Variants in DIAPH2 observed in about 807,000 individuals in gnomAD.
DIAPH2 encodes protein diaphanous homolog 2.
DIAPH2 carries 35 observed loss-of-function variants against 92.7 expected under a neutral mutation model. The ratio of observed to expected loss-of-function variants is 0.38; its 90% CI spans 0.29 to 0.50. DIAPH2 has a LOEUF of 0.50. DIAPH2 is among the 20% of genes least tolerant of loss of function. The probability of loss-of-function intolerance (pLI) is 0.94; values close to 1 mark genes in which losing one functional copy is unlikely to be tolerated. For missense variants in DIAPH2, 701 were observed against 819.5 expected, an observed-to-expected ratio of 0.86 and a Z score of 1.77; for synonymous variants, 301 against 280.4, an observed-to-expected ratio of 1.07 and a Z score of -0.73.
chrX:96,937,453 A>G, intron 11 of DIAPH2, 102 bp downstream of exon 11: 1 of 417,976 alleles, frequency 2.4e-6, no homozygotes, highest in South Asian at 6.3e-5. Flanking sequence ...TGCCCTCCCA[A>G]TTTATATCCA....
intron 23 of DIAPH2, among the ~76,000 whole-genome samples, chrX:97,322,903 CT>C (rs1160046333): frequency 3.3e-3 from 252 of 76,892 alleles, no homozygotes; most frequent in Middle Eastern, 6.6e-3. Flanking sequence ...TATCCCAGTT[CT>C]TTTTTTTTTT....
intron 22 of DIAPH2, among the ~76,000 whole-genome samples, chrX:97,178,681 T>G (rs765949971): frequency 9.1e-6 from 1 of 110,382 alleles, no homozygotes; most frequent in South Asian, 3.9e-4. Context: ...AGGTCTATAT[T>G]TCTTTCCGTG....
At chrX:97,191,339 A>AG (rs1569325010) in intron 22 of DIAPH2, among the ~76,000 whole-genome samples, 5 of 101,925 alleles carry the variant, frequency 4.9e-5, no homozygotes, top group African/African-American at 2.0e-4. Flanking sequence ...AAAAAAAAAG[A>AG]AAAAAAAAAG....
At chrX:96,699,500 C>A (rs2063842936) in intron 1 of DIAPH2, among the ~76,000 whole-genome samples, 1 of 111,578 alleles carries the variant, frequency 9.0e-6, no homozygotes, top group South Asian at 3.8e-4. Flanking sequence ...TGAATAGAGG[C>A]CTGGGTTGCT....
rs1286837945 is a variant in DIAPH2 at position 97,555,068 on chromosome X, AT to A, written c.3242-44183del. Among the ~76,000 whole-genome samples, 39 of 12,464 alleles carry A rather than the reference AT, an allele frequency of 3.1e-3. 1 individual carries two copies. The highest frequency in any genetic ancestry group is 0.083 in the Middle Eastern group (1 of 12). 10.8% of individuals were successfully genotyped at this position (12,464 alleles called of 115,157 possible). A position where few individuals can be genotyped will look rare whatever the true frequency, so the allele number is the denominator to read the frequency against. ...CTTTAGCCAAGGGTTTCCTGAAGAG[AT>A]TAAAAAAAAAAAAAAACAGGCTGGT... On this transcript the variant is annotated intron_variant, in intron 26 of 26. Coordinates refer to ENST00000324765, the MANE Select transcript of DIAPH2 (RefSeq NM_006729.5).
At chrX:96,880,241 G>A (rs765297456) in intron 4 of DIAPH2, among the ~76,000 whole-genome samples, 1 of 111,689 alleles carries the variant, frequency 9.0e-6, no homozygotes, top group African/African-American at 3.2e-5. Flanking sequence ...AGTTCCCAAT[G>A]TAGAAGTGAG....
intron 24 of DIAPH2, among the ~76,000 whole-genome samples, chrX:97,362,334 GTAT>G (rs1300286073): frequency 1.2e-4 from 13 of 111,337 alleles, no homozygotes; most frequent in African/African-American, 3.9e-4. Flanking sequence ...TTGTTGCTCA[GTAT>G]TATTTGAATT....
intron 17 of DIAPH2, among the ~76,000 whole-genome samples, chrX:97,063,099 A>C (rs945675058): frequency 9.1e-6 from 1 of 110,326 alleles, no homozygotes; most frequent in African/African-American, 3.3e-5. Context: ...TCTTCTCAGA[A>C]TTATTCTAAT....
intron 4 of DIAPH2, among the ~76,000 whole-genome samples, chrX:96,822,104 A>G (rs1795586703): frequency 9.2e-6 from 1 of 109,133 alleles, no homozygotes; most frequent in African/African-American, 3.3e-5. Flanking sequence ...TTTCTGCACT[A>G]TTTTTTCTTA....
intron 23 of DIAPH2, among the ~76,000 whole-genome samples, chrX:97,320,439 C>G (rs994813518): frequency 3.6e-5 from 4 of 110,463 alleles, no homozygotes; most frequent in Non-Finnish European, 7.6e-5. Flanking sequence ...TTTGGCCAGG[C>G]GCGGTAGCTC....
intron 15 of DIAPH2, among the ~76,000 whole-genome samples, chrX:96,949,694 A>C (rs1325054885): frequency 2.0e-5 from 2 of 102,288 alleles, no homozygotes; most frequent in Non-Finnish European, 4.0e-5. Flanking sequence ...ATACAAAAAA[A>C]AAAAAAAAAA....
At chrX:96,937,849 G>T (rs1301394496) in intron 11 of DIAPH2, among the ~76,000 whole-genome samples, 1 of 111,958 alleles carries the variant, frequency 8.9e-6, no homozygotes, top group Non-Finnish European at 1.9e-5. Context: ...AAAGCTATGT[G>T]GTAGAAGCAT....
At chrX:97,561,140 T>C (rs1041892942) in intron 26 of DIAPH2, among the ~76,000 whole-genome samples, 2 of 112,423 alleles carry the variant, frequency 1.8e-5, no homozygotes, top group African/African-American at 6.5e-5. Flanking sequence ...TATTTAATGA[T>C]GTGTGTCATT....
chrX:97,175,482 T>A (rs2067484732), intron 22 of DIAPH2, among the ~76,000 whole-genome samples: 1 of 112,360 alleles, frequency 8.9e-6, no homozygotes, highest in Non-Finnish European at 1.9e-5. Flanking sequence ...ACTAAAAATT[T>A]CTCAAAGGAC....
At chrX:96,932,998 C>T (rs1227075506) in intron 10 of DIAPH2, among the ~76,000 whole-genome samples, 2 of 111,693 alleles carry the variant, frequency 1.8e-5, no homozygotes, top group Non-Finnish European at 3.8e-5. Flanking sequence ...TTTATCACAT[C>T]TCTTCAGTAT....
intron 14 of DIAPH2, among the ~76,000 whole-genome samples, chrX:96,946,836 T>C (rs1358495438): frequency 9.0e-6 from 1 of 111,635 alleles, no homozygotes; most frequent in Non-Finnish European, 1.9e-5. Context: ...AGTCCTAAAG[T>C]AATAGAAAAG....
intron 26 of DIAPH2, among the ~76,000 whole-genome samples, chrX:97,568,830 G>T (rs187268234): frequency 8.9e-5 from 10 of 112,101 alleles, no homozygotes; most frequent in Admixed American, 8.5e-4. Flanking sequence ...GGAGATAATT[G>T]TTCAGCAAAA....
intron 22 of DIAPH2, among the ~76,000 whole-genome samples, chrX:97,225,699 T>A (rs1318067496): frequency 9.0e-6 from 1 of 111,675 alleles, no homozygotes; most frequent in Non-Finnish European, 1.9e-5. Flanking sequence ...ATATTGAAAT[T>A]TTTTTTCTCA....
chrX:97,452,477 G>A (rs1343837014), intron 26 of DIAPH2, among the ~76,000 whole-genome samples: 2 of 111,731 alleles, frequency 1.8e-5, no homozygotes, highest in Non-Finnish European at 3.8e-5. Flanking sequence ...TCCTGCTGAG[G>A]TCATCTAGAG....
Sources: gnomAD v4.1 joint callset for allele counts (sites outside exome capture counted in the v4.1 genomes callset) on GRCh38, gnomAD v4.1.1 for gene constraint, MANE v1.5 for transcripts, NCBI Gene and HGNC (gene_info 2026-07-23, HGNC 2026-07-21) for gene names.